The following RALYL variants were observed in gnomAD, a reference collection of about 807,000 sequenced individuals.
RALYL encodes RALY RNA binding protein like, also known as RNA-binding Raly-like protein.
In RALYL, 29 loss-of-function variants were observed where a neutral mutation model predicts 35.1. The ratio of observed to expected loss-of-function variants is 0.83; its 90% CI spans 0.61 to 1.13. The LOEUF (loss-of-function observed/expected upper bound fraction) is 1.13. RALYL is among the 50% of genes most tolerant of loss of function. The pLI is 0.00. For missense variants in RALYL, 359 were observed against 360.4 expected (o/e 1.00, Z 0.03); for synonymous variants, 120 against 127.6 (o/e 0.94, Z 0.40).
intron 2 of RALYL, among the ~76,000 whole-genome samples, chr8:84,591,883 G>T (rs557050279): frequency 1.4e-4 from 22 of 152,226 alleles, no homozygotes; most frequent in African/African-American, 5.1e-4. Flanking sequence ...TCTAGAATTG[G>T]CAGTGGCTAT....
chr8:84,635,288 CT>C (rs1824813165), intron 2 of RALYL, among the ~76,000 whole-genome samples: 1 of 151,674 alleles, frequency 6.6e-6, no homozygotes. Flanking sequence ...CAATTATCTT[CT>C]GCTTTACATC....
At chr8:84,705,959 A>G in intron 2 of RALYL, 12 of 1,530,214 alleles carry the variant, frequency 7.8e-6, no homozygotes, top group Non-Finnish European at 1.0e-5. Flanking sequence ...AAGCAGGAGC[A>G]CAACCCGTCT....
intron 2 of RALYL, among the ~76,000 whole-genome samples, chr8:84,686,045 G>A (rs960986860): frequency 1.3e-5 from 2 of 152,124 alleles, no homozygotes; most frequent in Non-Finnish European, 2.9e-5. Context: ...CACTTAGCTT[G>A]GACACAGCTG....
At chr8:84,310,051 T>C (rs1223131230) in intron 1 of RALYL, among the ~76,000 whole-genome samples, 1 of 151,920 alleles carries the variant, frequency 6.6e-6, no homozygotes, top group African/African-American at 2.4e-5. Flanking sequence ...TTTTTCTTTT[T>C]TTTTTTCTTT....
intron 1 of RALYL, among the ~76,000 whole-genome samples, chr8:84,470,245 C>A (rs970099109): frequency 6.6e-6 from 1 of 152,066 alleles, no homozygotes; most frequent in Non-Finnish European, 1.5e-5. Flanking sequence ...AATATAGAGG[C>A]AATAACATTA....
intron 2 of RALYL, among the ~76,000 whole-genome samples, chr8:84,724,141 G>T (rs545372582): frequency 4.0e-5 from 6 of 151,752 alleles, no homozygotes; most frequent in Non-Finnish European, 8.9e-5. Flanking sequence ...AATTAAATCA[G>T]ATATTTACCT....
chr8:84,816,908 AAAGTT>A (rs1487355813), intron 4 of RALYL, among the ~76,000 whole-genome samples: 1 of 152,158 alleles, frequency 6.6e-6, no homozygotes, highest in African/African-American at 2.4e-5. Flanking sequence ...TGCACCCACT[AAAGTT>A]AACATTAGAA....
At chr8:84,755,179 G>A (rs1265624898) in intron 2 of RALYL, among the ~76,000 whole-genome samples, 2 of 152,124 alleles carry the variant, frequency 1.3e-5, no homozygotes, top group African/African-American at 4.8e-5. Context: ...GCTAGAGAGT[G>A]GATAGATGAG....
At chr8:84,775,301 A>G (rs563709905) in intron 3 of RALYL, among the ~76,000 whole-genome samples, 3 of 152,168 alleles carry the variant, frequency 2.0e-5, no homozygotes, top group South Asian at 4.1e-4. Flanking sequence ...GCTATTTTAC[A>G]TATGTTGTTT....
At chr8:84,767,430 A>G (rs1814369509) in intron 2 of RALYL, among the ~76,000 whole-genome samples, 1 of 152,172 alleles carries the variant, frequency 6.6e-6, no homozygotes, top group Admixed American at 6.5e-5. Flanking sequence ...ATATTTTTCA[A>G]TTGTTTGAAC....
intron 2 of RALYL, among the ~76,000 whole-genome samples, chr8:84,773,322 A>C (rs552341485): frequency 1.3e-5 from 2 of 152,308 alleles, no homozygotes; most frequent in South Asian, 4.1e-4. Flanking sequence ...GGTTGTTTTC[A>C]GTGGTGGATA....
intron 2 of RALYL, among the ~76,000 whole-genome samples, chr8:84,663,727 T>G (rs1184367901): frequency 6.6e-6 from 1 of 152,084 alleles, no homozygotes; most frequent in Non-Finnish European, 1.5e-5. Context: ...GACCTTTGTC[T>G]GATGGGTAGA....
At chr8:84,513,362 C>G (rs711044) in intron 1 of RALYL, among the ~76,000 whole-genome samples, 146,100 of 152,204 alleles carry the variant, frequency 0.96, 70,165 homozygotes, top group East Asian at 1. Flanking sequence ...ATCCAGCAAA[C>G]TGTTAGCAAT....
chr8:84,515,332 G>T (rs1475663543), intron 1 of RALYL, among the ~76,000 whole-genome samples: 2 of 151,968 alleles, frequency 1.3e-5, no homozygotes, highest in African/African-American at 2.4e-5. Flanking sequence ...TAATTATATT[G>T]TATATAGTGG....
chr8:84,697,448 A>G (rs930748861), intron 2 of RALYL, among the ~76,000 whole-genome samples: 1 of 152,012 alleles, frequency 6.6e-6, no homozygotes, highest in Non-Finnish European at 1.5e-5. Context: ...ATTCTAACCT[A>G]CTTGATTATT....
Position 84,816,630 on chromosome 8 carries a change from G to C in RALYL, c.365+11828G>C, listed in dbSNP as rs533440666. On this transcript the variant is annotated intron_variant, in intron 4 of 8. Transcript: ENST00000521268. ...AAGATCTTCAAGAATACATCACTGGGGCAGGGGCGGGGGTATGGTTAATGG... is the reference window on the plus strand; with the variant it reads ...AAGATCTTCAAGAATACATCACTGGCGCAGGGGCGGGGGTATGGTTAATGG... Among the ~76,000 whole-genome samples the C allele has an allele frequency of 3.3e-5, 5 of 152,098 alleles. No individual in the cohort carries two copies. The East Asian group carries it at 9.7e-4, about 29-fold the overall frequency.
intron 4 of RALYL, among the ~76,000 whole-genome samples, chr8:84,807,155 C>T (rs994074070): frequency 1.3e-5 from 2 of 152,122 alleles, no homozygotes; most frequent in South Asian, 2.1e-4. Context: ...TTAGCCCTCA[C>T]CCCCCTCCCA....
chr8:84,329,173 A>G (rs1339305086), intron 1 of RALYL, among the ~76,000 whole-genome samples: 1 of 152,150 alleles, frequency 6.6e-6, no homozygotes, highest in Middle Eastern at 3.2e-3. Flanking sequence ...TTCTTTGAGA[A>G]ATCTCCAAAC....
chr8:84,226,482 T>C (rs1389021664), intron 1 of RALYL, among the ~76,000 whole-genome samples: 1 of 152,232 alleles, frequency 6.6e-6, no homozygotes, highest in African/African-American at 2.4e-5. Context: ...TCTCAGCTCA[T>C]CGCAACTTCC....
Sources: gnomAD v4.1 joint callset for allele counts (sites outside exome capture counted in the v4.1 genomes callset) on GRCh38, gnomAD v4.1.1 for gene constraint, MANE v1.5 for transcripts, NCBI Gene and HGNC (gene_info 2026-07-23, HGNC 2026-07-21) for gene names.